Variants in GRIN1 observed in about 807,000 individuals in gnomAD.
GRIN1 encodes glutamate ionotropic receptor NMDA type subunit 1, also known as glutamate receptor ionotropic, NMDA 1.
GRIN1 carries 38 observed loss-of-function variants against 103.0 expected under a neutral mutation model. The ratio of observed to expected loss-of-function variants is 0.37; its 90% CI spans 0.28 to 0.48. The LOEUF is 0.48. GRIN1 is among the 20% of genes least tolerant of loss of function. The probability of loss-of-function intolerance (pLI) is 0.98; values close to 1 mark genes in which losing one functional copy is unlikely to be tolerated. For missense variants in GRIN1, 577 were observed against 1,288.9 expected (o/e 0.45, Z 8.46); for synonymous variants, 544 against 532.7 (o/e 1.02, Z -0.29).
intron 4 of GRIN1, among the ~76,000 whole-genome samples, chr9:137,150,412 G>T (rs1832777176): frequency 7.5e-6 from 1 of 134,148 alleles, no homozygotes; most frequent in Non-Finnish European, 1.6e-5. Context: ...TCCTCCCAGG[G>T]AAAGCCCCAC....
At chr9:137,151,645 G>T (rs1306108739) in intron 4 of GRIN1, among the ~76,000 whole-genome samples, 1 of 152,122 alleles carries the variant, frequency 6.6e-6, no homozygotes, top group Non-Finnish European at 1.5e-5. Flanking sequence ...AGAAAGCCCC[G>T]CCAGACTCTC....
At chr9:137,141,821 C>T (rs1445564838) in intron 1 of GRIN1, among the ~76,000 whole-genome samples, 192 bp from the exon 2 acceptor site, 1 of 152,124 alleles carries the variant, frequency 6.6e-6, no homozygotes, top group African/African-American at 2.4e-5. Context: ...AGGGGAGGTC[C>T]GGGTGGGGTC....
intron 2 of GRIN1, 110 bp downstream of exon 2, chr9:137,142,257 C>G (rs1250280639): frequency 2.0e-6 from 2 of 1,024,464 alleles, no homozygotes; most frequent in Admixed American, 3.5e-5. Flanking sequence ...ACACCACAAA[C>G]AGCCACACAG....
chr9:137,151,634 G>T (rs1044406650), intron 4 of GRIN1, among the ~76,000 whole-genome samples: 2 of 152,164 alleles, frequency 1.3e-5, no homozygotes, highest in African/African-American at 4.8e-5. Flanking sequence ...GCCCCTCTTA[G>T]AGAAAGCCCC....
chr9:137,160,978 G>T, intron 8 of GRIN1, 78 bp from the exon 9 acceptor site: 9 of 1,588,494 alleles, frequency 5.7e-6, no homozygotes, highest in Non-Finnish European at 7.7e-6. Context: ...GCCAGGGGAG[G>T]CTGGGAGCTG....
intron 3 of GRIN1, chr9:137,148,013 C>T (rs985578087): frequency 3.3e-6 from 2 of 607,540 alleles, no homozygotes; most frequent in Non-Finnish European, 5.7e-6. Flanking sequence ...CCCCGGGCCT[C>T]GGTGTTTGCG....
At chr9:137,143,650 G>A (rs1368258078) in intron 2 of GRIN1, among the ~76,000 whole-genome samples, 3 of 152,164 alleles carry the variant, frequency 2.0e-5, no homozygotes, top group Non-Finnish European at 2.9e-5. Context: ...AACATGAACC[G>A]GCAAGGCCAG....
chr9:137,141,695 G>A lies in GRIN1; in HGVS notation c.259-318G>A, dbSNP rs569106191. 1.9e-4 allele frequency among the ~76,000 whole-genome samples: 29 copies of A among 152,216 alleles called. No homozygotes were observed. In the South Asian group the frequency reaches 5.4e-3, roughly 28 times the overall value. Reference sequence around the variant, plus strand: ...TGATGCAGGACCAGCCATCCTCCCCGGTCCACCTTGGGTGCGTCCCGTGCT... The same window carrying A: ...TGATGCAGGACCAGCCATCCTCCCCAGTCCACCTTGGGTGCGTCCCGTGCT... On this transcript the variant is annotated intron_variant, in intron 1 of 19. Coordinates refer to ENST00000371561, the MANE Select transcript of GRIN1 (RefSeq NM_007327.4).
At chr9:137,167,314 T>G (rs1833933608) in intron 19 of GRIN1, 97 bp from the exon 20 acceptor site, 1 of 942,962 alleles carries the variant, frequency 1.1e-6, no homozygotes, top group South Asian at 1.4e-5. Context: ...CCCTGTCCTG[T>G]GGCCGGTCCG....
At chr9:137,151,722 GTAGTACA>G (rs1448775894) in intron 4 of GRIN1, among the ~76,000 whole-genome samples, 1 of 152,184 alleles carries the variant, frequency 6.6e-6, no homozygotes, top group Non-Finnish European at 1.5e-5. Flanking sequence ...CTGGAGTGCA[GTAGTACA>G]ATCTCAGCTC....
At position 137,153,722 on chromosome 9, in the gene GRIN1, C is replaced by T. The variant is rs529666109; in HGVS notation, c.672-2947C>T. 4.1e-3 allele frequency among the ~76,000 whole-genome samples: 625 copies of T among 152,264 alleles called. 6 individuals carry two copies. Among genetic ancestry groups the T allele is most frequent in the African/African-American group, 0.014 (588 of 41,544 alleles). The stretch of plus-strand genomic sequence containing the variant: ...ATGCGCACCACACACCATGTGCACA[C>T]CCATACACCCATGCTACATGCACAC... On this transcript the variant is annotated intron_variant, in intron 4 of 19. Coordinates refer to ENST00000371561, the MANE Select transcript of GRIN1 (RefSeq NM_007327.4).
intron 2 of GRIN1, among the ~76,000 whole-genome samples, chr9:137,142,832 C>T (rs573097811): frequency 2.6e-5 from 4 of 152,280 alleles, no homozygotes; most frequent in South Asian, 2.1e-4. Flanking sequence ...CTGGGGGCTT[C>T]CAGCCTCTAG....
intron 18 of GRIN1, chr9:137,164,773 C>T (rs548694654): frequency 7.7e-6 from 2 of 258,356 alleles, no homozygotes; most frequent in South Asian, 4.4e-5. Flanking sequence ...CTCCAGCCCT[C>T]GGCCCCTTCC....
At chr9:137,165,568 A>C in intron 19 of GRIN1, 2 of 506,976 alleles carry the variant, frequency 3.9e-6, no homozygotes, top group South Asian at 4.3e-5. Context: ...CGCCATCTTG[A>C]AGCCTGTCAT....
At chr9:137,149,265 C>T (rs1469703257) in intron 4 of GRIN1, among the ~76,000 whole-genome samples, 156 bp downstream of exon 4, 1 of 152,214 alleles carries the variant, frequency 6.6e-6, no homozygotes, top group East Asian at 1.9e-4. Flanking sequence ...CACCCGCACC[C>T]ACACTCCTAT....
chr9:137,142,485 TCA>T (rs1419275942), intron 2 of GRIN1, among the ~76,000 whole-genome samples: 1 of 151,682 alleles, frequency 6.6e-6, no homozygotes, highest in Non-Finnish European at 1.5e-5. Flanking sequence ...CATCACACAC[TCA>T]CACATTCATA....
At chr9:137,147,581 A>G (rs1277404501) in intron 3 of GRIN1, among the ~76,000 whole-genome samples, 1 of 152,022 alleles carries the variant, frequency 6.6e-6, no homozygotes, top group Non-Finnish European at 1.5e-5. Flanking sequence ...TAACCCTCCC[A>G]TGCTGACACC....
At chr9:137,144,198 G>A (rs1170326486) in intron 2 of GRIN1, among the ~76,000 whole-genome samples, 3 of 152,080 alleles carry the variant, frequency 2.0e-5, no homozygotes, top group South Asian at 2.1e-4. Flanking sequence ...AGAAACCCAC[G>A]TCCCTTAGGG....
rs1449227680 is a variant in GRIN1, at chr9:137,163,919, C to T, written c.2589+15C>T. The T allele has an allele frequency of 3.1e-6, 5 of 1,611,680 alleles. No individual in the cohort carries two copies. Among genetic ancestry groups the T allele is most frequent in the Non-Finnish European group, 3.4e-6 (4 of 1,179,406 alleles). Reference sequence around the variant, plus strand: ...AGAACCTGCAGGTAGGGCAGGCCACCCTCCGAGGCCTGGTGCCCAGGGCCC... The same window carrying T: ...AGAACCTGCAGGTAGGGCAGGCCACTCTCCGAGGCCTGGTGCCCAGGGCCC... On this transcript the variant is annotated intron_variant, in intron 18 of 19. Coordinates refer to ENST00000371561, the MANE Select transcript of GRIN1 (RefSeq NM_007327.4).
Sources: gnomAD v4.1 joint callset for allele counts (sites outside exome capture counted in the v4.1 genomes callset) on GRCh38, gnomAD v4.1.1 for gene constraint, MANE v1.5 for transcripts, NCBI Gene and HGNC (gene_info 2026-07-23, HGNC 2026-07-21) for gene names.